Variants in IMMP2L observed in about 807,000 individuals in gnomAD.
IMMP2L encodes the protein inner mitochondrial membrane peptidase subunit 2, also known as mitochondrial inner membrane protease subunit 2.
Under a neutral mutation model 19.3 loss-of-function variants are expected in IMMP2L, and 18 were observed. The observed-to-expected ratio is 0.93, with a 90% CI of 0.64 to 1.38. IMMP2L has a LOEUF of 1.38. IMMP2L is among the 40% of genes most tolerant of loss of function. IMMP2L has a pLI of 0.00. For missense variants in IMMP2L, 233 were observed against 218.2 expected (o/e 1.07, Z -0.43); for synonymous variants, 76 against 73.0 (o/e 1.04, Z -0.21).
intron 5 of IMMP2L, among the ~76,000 whole-genome samples, chr7:110,816,272 G>A (rs914144098): frequency 4.6e-5 from 7 of 151,994 alleles, no homozygotes; most frequent in Non-Finnish European, 8.8e-5. Flanking sequence ...GTAGTTGAGC[G>A]GCTTTGAGTG....
At chr7:111,391,195 A>C (rs966082097) in intron 3 of IMMP2L, among the ~76,000 whole-genome samples, 4 of 152,128 alleles carry the variant, frequency 2.6e-5, no homozygotes, top group Admixed American at 6.6e-5. Flanking sequence ...GAATAGAGGA[A>C]CTGGAAAGAC....
chr7:110,715,909 C>T (rs556148136), intron 5 of IMMP2L, among the ~76,000 whole-genome samples: 78 of 152,188 alleles, frequency 5.1e-4, no homozygotes, highest in African/African-American at 1.8e-3. Context: ...TTTCCTAAGT[C>T]TAGAAGTAGT....
intron 3 of IMMP2L, among the ~76,000 whole-genome samples, chr7:111,284,244 G>A (rs1029938636): frequency 1.3e-5 from 2 of 152,058 alleles, no homozygotes; most frequent in Non-Finnish European, 2.9e-5. Flanking sequence ...CTGAAGAACT[G>A]TTCTTTTGTT....
chr7:110,730,605 A>T (rs529941283), intron 5 of IMMP2L, among the ~76,000 whole-genome samples: 1 of 151,848 alleles, frequency 6.6e-6, no homozygotes, highest in Admixed American at 6.6e-5. Flanking sequence ...GCTCACTGCA[A>T]GCTCCGCCTC....
rs1585460507 is a variant in IMMP2L at position 111,515,510 on chromosome 7, C to T, written c.135+5803G>A. Among the ~76,000 whole-genome samples the T allele has an allele frequency of 2.0e-5, 3 of 152,130 alleles. No individual in the cohort carries two copies. In the East Asian group the frequency reaches 5.8e-4, roughly 29 times the overall value. On this transcript the variant is annotated intron_variant, in intron 2 of 5. Coordinates refer to ENST00000405709, the MANE Select transcript of IMMP2L (RefSeq NM_032549.4). ...AAATGACCAGGAATTGACAAATATCCATGTGACAGCTACTGACTTTAATGT... is the reference window on the plus strand; with the variant it reads ...AAATGACCAGGAATTGACAAATATCTATGTGACAGCTACTGACTTTAATGT...
At chr7:110,752,972 A>G (rs1469478502) in intron 5 of IMMP2L, among the ~76,000 whole-genome samples, 2 of 152,128 alleles carry the variant, frequency 1.3e-5, no homozygotes, top group African/African-American at 4.8e-5. Context: ...TAAAGGAAAG[A>G]ATCTCATAGG....
At chr7:110,911,139 A>C (rs545552367) in intron 4 of IMMP2L, among the ~76,000 whole-genome samples, 8 of 152,266 alleles carry the variant, frequency 5.3e-5, no homozygotes, top group African/African-American at 1.7e-4. Flanking sequence ...AAGATGAACA[A>C]CCAGACATTA....
intron 1 of IMMP2L, among the ~76,000 whole-genome samples, chr7:111,549,940 C>CA (rs758510157): frequency 0.037 from 3,169 of 86,554 alleles, 135 homozygotes; most frequent in African/African-American, 0.11. Context: ...GACTCCGTGT[C>CA]AAAAAAAAAA....
At chr7:111,409,045 G>A (rs527788424) in intron 3 of IMMP2L, among the ~76,000 whole-genome samples, 4 of 151,686 alleles carry the variant, frequency 2.6e-5, no homozygotes, top group Non-Finnish European at 4.4e-5. Flanking sequence ...GCTAAGTGCT[G>A]ACAAGCTTCT....
At chr7:111,479,842 ACC>A in intron 3 of IMMP2L, among the ~76,000 whole-genome samples, 3 of 152,128 alleles carry the variant, frequency 2.0e-5, no homozygotes, top group Non-Finnish European at 4.4e-5. Flanking sequence ...ACTTATAGTT[ACC>A]TCTCAAAGGA....
intron 5 of IMMP2L, among the ~76,000 whole-genome samples, chr7:110,838,716 A>G (rs1257434745): frequency 1.3e-5 from 2 of 152,170 alleles, no homozygotes. Context: ...TTCCCTTTTA[A>G]AAAATTAATT....
At chr7:111,365,988 T>C (rs1829722297) in intron 3 of IMMP2L, among the ~76,000 whole-genome samples, 1 of 152,074 alleles carries the variant, frequency 6.6e-6, no homozygotes, top group Non-Finnish European at 1.5e-5. Flanking sequence ...GACTGACTAG[T>C]AAATGAAGAG....
chr7:111,431,406 A>G (rs932708047), intron 3 of IMMP2L, among the ~76,000 whole-genome samples: 1 of 151,870 alleles, frequency 6.6e-6, no homozygotes, highest in Non-Finnish European at 1.5e-5. Flanking sequence ...ATAATAAAGT[A>G]TTTTACACAT....
rs1426357811 is a variant in IMMP2L at position 110,804,662 on chromosome 7, T to C, written c.408+81931A>G. Among the ~76,000 whole-genome samples, 5 of 152,068 alleles carry C rather than the reference T, an allele frequency of 3.3e-5. No homozygotes were observed. In the East Asian group the frequency reaches 9.7e-4, roughly 30 times the overall value. On this transcript the variant is annotated intron_variant, in intron 5 of 5. Transcript: ENST00000405709. Reference sequence around the variant, plus strand: ...TTGGGTCAATAGGATGTGCGAAAAGTGAGGAATGCAATTTCTAGTTATTTT... The same window carrying C: ...TTGGGTCAATAGGATGTGCGAAAAGCGAGGAATGCAATTTCTAGTTATTTT...
intron 3 of IMMP2L, among the ~76,000 whole-genome samples, chr7:111,174,171 A>G (rs1263140910): frequency 2.0e-5 from 3 of 151,700 alleles, no homozygotes; most frequent in Non-Finnish European, 4.4e-5. Context: ...TACAATCATC[A>G]GTGAACTGGC....
At chr7:111,220,208 A>G (rs991943500) in intron 3 of IMMP2L, among the ~76,000 whole-genome samples, 1 of 152,108 alleles carries the variant, frequency 6.6e-6, no homozygotes, top group Non-Finnish European at 1.5e-5. Context: ...AAAAAAATGA[A>G]ATCAGTTTCA....
chr7:111,478,044 C>T (rs1459434790), intron 3 of IMMP2L, among the ~76,000 whole-genome samples: 2 of 152,070 alleles, frequency 1.3e-5, no homozygotes, highest in African/African-American at 4.8e-5. Flanking sequence ...AACTCTTGGC[C>T]TGAATCTATT....
At chr7:111,418,912 A>G (rs1835204864) in intron 3 of IMMP2L, among the ~76,000 whole-genome samples, 1 of 151,874 alleles carries the variant, frequency 6.6e-6, no homozygotes, top group South Asian at 2.1e-4. Flanking sequence ...TCTTTGATTT[A>G]CAGTTTATTT....
intron 3 of IMMP2L, among the ~76,000 whole-genome samples, chr7:111,396,961 G>T (rs903151703): frequency 6.6e-6 from 1 of 151,550 alleles, no homozygotes; most frequent in African/African-American, 2.4e-5. Context: ...CGTGGCAGGC[G>T]CCTGTAATCC....
Sources: allele counts gnomAD v4.1 joint callset (sites outside exome capture counted in the v4.1 genomes callset), GRCh38; gene constraint gnomAD v4.1.1; transcripts MANE v1.5; gene names NCBI Gene and HGNC (gene_info 2026-07-23, HGNC 2026-07-21).